Variants in ADGRL3 observed in about 807,000 individuals in gnomAD.
ADGRL3 encodes the protein calcium-independent alpha-latrotoxin receptor 3.
In ADGRL3, 62 loss-of-function variants were observed where a neutral mutation model predicts 153.5. The observed-to-expected ratio is 0.40, with a 90% confidence interval of 0.33 to 0.50. The LOEUF (loss-of-function observed/expected upper bound fraction) is 0.50, where lower values mean the gene tolerates loss of function less well. Among genes scored for constraint, ADGRL3 ranks in the 20% least tolerant of loss-of-function variants. ADGRL3 has a pLI of 0.47. For synonymous variants in ADGRL3, 710 were observed against 672.5 expected, an observed-to-expected ratio of 1.06 and a Z score of -0.86; for missense variants, 1,641 against 1,859.4, an observed-to-expected ratio of 0.88 and a Z score of 2.16.
In ADGRL3 at chr4:61,264,089, G is replaced by A. The variant is rs183115268; in HGVS notation, c.-240+62324G>A. On this transcript the variant is annotated intron_variant, in intron 1 of 26. Coordinates refer to ENST00000683033, the MANE Select transcript of ADGRL3 (RefSeq NM_001387552.1). The stretch of plus-strand genomic sequence containing the variant: ...ACTGGCCAATATTGAGAATTACTGC[G>A]CCATAAATAATTGTGGTTGGTTTCT... 1.8e-3 allele frequency among the ~76,000 whole-genome samples: 271 copies of A among 151,982 alleles called. 1 individual carries two copies. Among genetic ancestry groups the A allele is most frequent in the African/African-American group, 6.0e-3 (251 of 41,526 alleles).
chr4:61,420,770 C>T (rs533209296), intron 2 of ADGRL3: 5 of 117,414 alleles, frequency 4.3e-5, no homozygotes, highest in Non-Finnish European at 8.3e-5. Flanking sequence ...CACAGAGTAC[C>T]TAAGGTCATA....
Position 61,866,036 on chromosome 4 carries a change from C to T in ADGRL3, c.1481-26620C>T, listed in dbSNP as rs144777745. On this transcript the variant is annotated intron_variant, in intron 9 of 26. Coordinates refer to ENST00000683033, the MANE Select transcript of ADGRL3 (RefSeq NM_001387552.1). ...TGACCATTTACATTTCCTTTTTGTG[C>T]TCCTGGGAATCCAGTTGTATACCTT... Among the ~76,000 whole-genome samples the T allele has an allele frequency of 2.0e-4, 30 of 152,268 alleles. No homozygotes were observed. The East Asian group carries it at 4.2e-3, about 22-fold the overall frequency.
At chr4:61,424,462 T>TA (rs931344036) in intron 2 of ADGRL3, among the ~76,000 whole-genome samples, 2 of 152,104 alleles carry the variant, frequency 1.3e-5, no homozygotes, top group Non-Finnish European at 2.9e-5. Context: ...ATATCCCTGT[T>TA]ACGCTCCCCA....
chr4:61,485,781 C>T (rs904946522), intron 2 of ADGRL3, among the ~76,000 whole-genome samples: 1 of 152,114 alleles, frequency 6.6e-6, no homozygotes, highest in African/African-American at 2.4e-5. Flanking sequence ...TAGAAACTGT[C>T]ATTGTTTTCA....
intron 5 of ADGRL3, among the ~76,000 whole-genome samples, chr4:61,652,725 A>G (rs576160473): frequency 6.6e-6 from 1 of 152,318 alleles, no homozygotes; most frequent in South Asian, 2.1e-4. Flanking sequence ...GAACTACAAC[A>G]TTTATATTTC....
intron 4 of ADGRL3, among the ~76,000 whole-genome samples, chr4:61,545,585 C>G (rs2098709633): frequency 6.6e-6 from 1 of 152,214 alleles, no homozygotes; most frequent in Admixed American, 6.5e-5. Context: ...GCCATCTCGG[C>G]TCACTGCAAC....
At chr4:61,476,725 A>AC (rs2098063118) in intron 2 of ADGRL3, among the ~76,000 whole-genome samples, 1 of 148,674 alleles carries the variant, frequency 6.7e-6, no homozygotes, top group African/African-American at 2.5e-5. Context: ...AAAAAAAAAA[A>AC]AAAAAAAAAA....
At chr4:61,982,233 T>A (rs992351921) in intron 18 of ADGRL3, among the ~76,000 whole-genome samples, 3 of 152,220 alleles carry the variant, frequency 2.0e-5, no homozygotes, top group African/African-American at 7.2e-5. Flanking sequence ...CAAAACTCAT[T>A]TCTAACAAGT....
Position 61,453,683 on chromosome 4 carries a change from G to C in ADGRL3, c.-173-43438G>C, listed in dbSNP as rs546872138. Reference sequence around the variant, plus strand: ...ATTTATACTTTATAAATCCATGTTCGTTCCTACCTAGTACCTCAAGCTTGT... The same window carrying C: ...ATTTATACTTTATAAATCCATGTTCCTTCCTACCTAGTACCTCAAGCTTGT... On this transcript the variant is annotated intron_variant, in intron 2 of 26. Coordinates refer to ENST00000683033, the MANE Select transcript of ADGRL3 (RefSeq NM_001387552.1). Among the ~76,000 whole-genome samples the C allele has an allele frequency of 2.6e-5, 4 of 151,954 alleles. No homozygotes were observed. The East Asian group carries it at 7.7e-4, about 29-fold the overall frequency.
At chr4:61,807,325 T>A (rs114900235) in intron 8 of ADGRL3, among the ~76,000 whole-genome samples, 15,961 of 75,202 alleles carry the variant, frequency 0.21, 903 homozygotes, top group Middle Eastern at 0.26. Context: ...ATTGCTCTAA[T>A]TTTTTTTAAC....
At chr4:61,379,112 C>A (rs2096638222) in intron 1 of ADGRL3, among the ~76,000 whole-genome samples, 2 of 151,834 alleles carry the variant, frequency 1.3e-5, no homozygotes, top group Admixed American at 1.3e-4. Flanking sequence ...AGAGGTGGCA[C>A]AAGATGATGC....
intron 21 of ADGRL3, among the ~76,000 whole-genome samples, chr4:62,000,949 T>C (rs2099138270): frequency 6.6e-6 from 1 of 151,718 alleles, no homozygotes; most frequent in Admixed American, 6.6e-5. Context: ...ACCTGGCTAA[T>C]TTTTTTGTGT....
chr4:61,577,371 C>G (rs1449700072), intron 4 of ADGRL3, among the ~76,000 whole-genome samples: 1 of 152,004 alleles, frequency 6.6e-6, no homozygotes, highest in African/African-American at 2.4e-5. Flanking sequence ...GACCTCCATT[C>G]ATTCAAAACT....
chr4:61,235,795 C>G (rs553638698), intron 1 of ADGRL3, among the ~76,000 whole-genome samples: 119 of 152,226 alleles, frequency 7.8e-4, no homozygotes, highest in Non-Finnish European at 1.1e-3. Context: ...GTTTGTTTGA[C>G]TTCTCTGAAG....
intron 1 of ADGRL3, among the ~76,000 whole-genome samples, chr4:61,278,298 C>T (rs920630425): frequency 1.3e-5 from 2 of 152,024 alleles, no homozygotes; most frequent in Non-Finnish European, 2.9e-5. Flanking sequence ...CTTTTTTCCT[C>T]AAGGGAATTT....
chr4:61,597,144 A>T (rs899862992), intron 5 of ADGRL3, among the ~76,000 whole-genome samples: 10 of 152,124 alleles, frequency 6.6e-5, no homozygotes, highest in African/African-American at 2.4e-4. Context: ...CATAACTATT[A>T]GTACTATCAA....
intron 5 of ADGRL3, among the ~76,000 whole-genome samples, chr4:61,646,090 C>T (rs1242010043): frequency 1.3e-5 from 2 of 152,164 alleles, no homozygotes; most frequent in Non-Finnish European, 2.9e-5. Flanking sequence ...CTCCTGAGGC[C>T]TCTGCATTCT....
At chr4:61,698,754 G>A (rs1402449496) in intron 6 of ADGRL3, among the ~76,000 whole-genome samples, 1 of 152,126 alleles carries the variant, frequency 6.6e-6, no homozygotes, top group Non-Finnish European at 1.5e-5. Context: ...TGCAACCTTT[G>A]ATTGCAGCCA....
intron 2 of ADGRL3, among the ~76,000 whole-genome samples, chr4:61,480,731 C>T (rs1480843878): frequency 6.6e-6 from 1 of 151,842 alleles, no homozygotes; most frequent in East Asian, 1.9e-4. Flanking sequence ...TGCCATGAGC[C>T]GAGATCATGC....
Sources: allele counts gnomAD v4.1 joint callset (sites outside exome capture counted in the v4.1 genomes callset), GRCh38; gene constraint gnomAD v4.1.1; transcripts MANE v1.5; gene names NCBI Gene and HGNC (gene_info 2026-07-23, HGNC 2026-07-21).